The following GPHN variants were observed in gnomAD, a reference collection of about 807,000 sequenced individuals.
GPHN encodes the protein gephyrin.
A neutral mutation model predicts 95.5 loss-of-function variants in GPHN; 17 were observed. The observed-to-expected ratio is 0.18, with a 90% CI of 0.12 to 0.27. The LOEUF (loss-of-function observed/expected upper bound fraction) is 0.27. Ranked by LOEUF, GPHN falls within the 10% of genes least tolerant of loss-of-function variation. The probability of loss-of-function intolerance (pLI) is 1.00; values close to 1 mark genes in which losing one functional copy is unlikely to be tolerated. For missense variants in GPHN, 660 were observed against 978.1 expected (o/e 0.67, Z 4.34); for synonymous variants, 320 against 322.5 (o/e 0.99, Z 0.08).
At chr14:67,599,924 A>G in the GPHN span, 1 of 967,172 alleles carries the variant, frequency 1.0e-6, no homozygotes, top group Non-Finnish European at 1.5e-6. Context: ...TCACTGTAGG[A>G]GGGGCCGACC....
intron 17 of GPHN, among the ~76,000 whole-genome samples, chr14:67,124,341 G>A (rs2079179646): frequency 6.6e-6 from 1 of 152,124 alleles, no homozygotes; most frequent in Non-Finnish European, 1.5e-5. Flanking sequence ...GGGAGGTGGA[G>A]GTTGCAGTGA....
At chr14:67,464,576 C>T in the GPHN span, among the ~76,000 whole-genome samples, 107 of 152,258 alleles carry the variant, frequency 7.0e-4, no homozygotes, top group African/African-American at 2.2e-3. Flanking sequence ...CGAGCTCATT[C>T]GCATCTTTGC....
chr14:67,710,349 C>G, the GPHN span, among the ~76,000 whole-genome samples: 8 of 152,172 alleles, frequency 5.3e-5, no homozygotes, highest in East Asian at 1.4e-3. Flanking sequence ...ATCTTTTTTT[C>G]CTAAGCAAAC....
the GPHN span, among the ~76,000 whole-genome samples, chr14:67,354,583 C>T: frequency 2.6e-5 from 4 of 152,026 alleles, no homozygotes; most frequent in Admixed American, 2.6e-4. Context: ...CATCAGAGTT[C>T]ACCTATGATG....
At position 66,713,912 on chromosome 14, in the gene GPHN, G is replaced by C. The variant is rs369606051; in HGVS notation, c.143+32727G>C. ...TCCTCCCAAGTAGCTGGTACTACAG[G>C]CATGTGCCACCACACCTGGCTAATT... On this transcript the variant is annotated intron_variant, in intron 2 of 22. Coordinates refer to ENST00000478722, the MANE Select transcript of GPHN (RefSeq NM_020806.5). Among the ~76,000 whole-genome samples, 30 of 152,218 alleles carry C rather than the reference G, an allele frequency of 2.0e-4. No homozygotes were observed. The East Asian group carries it at 4.8e-3, about 24-fold the overall frequency.
At chr14:67,101,306 TATTTA>T (rs935278574) in intron 13 of GPHN, among the ~76,000 whole-genome samples, 2 of 152,188 alleles carry the variant, frequency 1.3e-5, no homozygotes, top group Admixed American at 6.5e-5. Context: ...TTTAGCTAAT[TATTTA>T]ATTTAATTTT....
chr14:67,583,003 G>A, the GPHN span, among the ~76,000 whole-genome samples: 1 of 152,182 alleles, frequency 6.6e-6, no homozygotes, highest in African/African-American at 2.4e-5. Flanking sequence ...TTCAGACTTG[G>A]ACTCTCCTTC....
intron 13 of GPHN, among the ~76,000 whole-genome samples, chr14:67,105,204 A>T (rs2077967940): frequency 6.6e-6 from 1 of 151,964 alleles, no homozygotes; most frequent in Non-Finnish European, 1.5e-5. Flanking sequence ...AAAAAATTCG[A>T]TATAATTTTA....
the GPHN span, among the ~76,000 whole-genome samples, chr14:67,342,799 ATTTC>A: frequency 1.3e-5 from 2 of 151,842 alleles, no homozygotes; most frequent in Non-Finnish European, 1.5e-5. Flanking sequence ...AAGCAAAGGA[ATTTC>A]TTTACTTCAA....
At chr14:67,540,954 A>C in the GPHN span, among the ~76,000 whole-genome samples, 1 of 152,178 alleles carries the variant, frequency 6.6e-6, no homozygotes, top group African/African-American at 2.4e-5. Flanking sequence ...TGGACATACT[A>C]TAGGTGTCTA....
At chr14:66,935,695 TGTATAC>T (rs1482169323) in intron 8 of GPHN, among the ~76,000 whole-genome samples, 1 of 151,728 alleles carries the variant, frequency 6.6e-6, no homozygotes, top group African/African-American at 2.4e-5. Flanking sequence ...TATGTATACA[TGTATAC>T]GTATACATGT....
intron 1 of GPHN, among the ~76,000 whole-genome samples, chr14:66,675,477 G>C (rs2066535125): frequency 6.6e-6 from 1 of 152,024 alleles, no homozygotes; most frequent in South Asian, 2.1e-4. Flanking sequence ...TTTTTTGATG[G>C]GTTGTGTGAG....
chr14:67,504,228 G>C, the GPHN span, among the ~76,000 whole-genome samples: 2 of 151,330 alleles, frequency 1.3e-5, no homozygotes, highest in Non-Finnish European at 2.9e-5. Flanking sequence ...TGGCCAGGTT[G>C]GTCTCGGACT....
chr14:66,917,303 A>G (rs1386549872), intron 6 of GPHN, among the ~76,000 whole-genome samples: 3 of 152,198 alleles, frequency 2.0e-5, no homozygotes, highest in African/African-American at 7.2e-5. Context: ...GTCTCCCAGA[A>G]TGATGCTACT....
the GPHN span, among the ~76,000 whole-genome samples, chr14:67,464,461 C>T: frequency 5.3e-5 from 8 of 152,086 alleles, no homozygotes; most frequent in African/African-American, 1.9e-4. Context: ...GCCCTACAGG[C>T]TCTGACCCCT....
chr14:67,185,793 A>T (rs1430118312), downstream of GPHN, among the ~76,000 whole-genome samples: 2 of 152,306 alleles, frequency 1.3e-5, no homozygotes, highest in Non-Finnish European at 2.9e-5. Context: ...TGTAGATCTA[A>T]CCTGTTAGCA....
chr14:67,563,052 C>T, the GPHN span, among the ~76,000 whole-genome samples: 30 of 152,358 alleles, frequency 2.0e-4, no homozygotes, highest in Admixed American at 9.1e-4. Context: ...ACCACACAAC[C>T]AGTGAGGGTC....
At chr14:66,814,912 A>G (rs953689532) in intron 3 of GPHN, among the ~76,000 whole-genome samples, 2 of 152,234 alleles carry the variant, frequency 1.3e-5, no homozygotes. Flanking sequence ...AGTAAAAATC[A>G]TGATAAAACA....
chr14:67,708,951 C>T, the GPHN span, among the ~76,000 whole-genome samples: 3 of 152,012 alleles, frequency 2.0e-5, no homozygotes, highest in Non-Finnish European at 4.4e-5. Flanking sequence ...CGCCACCACA[C>T]CCAGCTAATT....
Sources: allele counts gnomAD v4.1 joint callset (sites outside exome capture counted in the v4.1 genomes callset), GRCh38; gene constraint gnomAD v4.1.1; transcripts MANE v1.5; gene names NCBI Gene and HGNC (gene_info 2026-07-23, HGNC 2026-07-21).